The following CHN2 variants were observed in gnomAD, a reference collection of about 807,000 sequenced individuals.
CHN2 encodes the protein chimerin 2.
In CHN2, 35 loss-of-function variants were observed where a neutral mutation model predicts 56.3. The observed-to-expected ratio is 0.62, with a 90% CI of 0.47 to 0.82. CHN2 has a LOEUF of 0.82. CHN2 is among the 40% of genes least tolerant of loss of function. The pLI is 0.00. For missense variants in CHN2, 491 were observed against 580.5 expected, an observed-to-expected ratio of 0.85 and a Z score of 1.58; for synonymous variants, 210 against 212.8, an observed-to-expected ratio of 0.99 and a Z score of 0.12.
At chr7:29,156,993 A>G (rs567305545) in intron 2 of CHN2, among the ~76,000 whole-genome samples, 88 of 152,248 alleles carry the variant, frequency 5.8e-4, no homozygotes, top group African/African-American at 2.1e-3. Context: ...TTTTTCACAC[A>G]TTGGTCCACC....
chr7:29,391,279 G>A (rs1282429002), intron 3 of CHN2, among the ~76,000 whole-genome samples: 1 of 145,694 alleles, frequency 6.9e-6, no homozygotes, highest in East Asian at 2.2e-4. Flanking sequence ...GAAAGAAAGA[G>A]AGAGTGGGGA....
At chr7:29,313,516 C>T (rs1232665017) in intron 1 of CHN2, among the ~76,000 whole-genome samples, 2 of 152,212 alleles carry the variant, frequency 1.3e-5, no homozygotes, top group Non-Finnish European at 1.5e-5. Flanking sequence ...GCCCCACACT[C>T]CCTACAGTCC....
At chr7:29,218,471 A>G (rs39753) in intron 1 of CHN2, among the ~76,000 whole-genome samples, 49,293 of 151,896 alleles carry the variant, frequency 0.32, 8,575 homozygotes, top group Admixed American at 0.41. Flanking sequence ...CCAAAAGATT[A>G]TAAATCATGC....
intron 1 of CHN2, among the ~76,000 whole-genome samples, chr7:29,322,690 C>T (rs39124): frequency 0.85 from 129,696 of 152,214 alleles, 55,552 homozygotes; most frequent in East Asian, 1. Flanking sequence ...TAGGTCTTTA[C>T]TCCACAAAGG....
chr7:29,375,667 C>G (rs1313132712), intron 3 of CHN2, among the ~76,000 whole-genome samples: 1 of 152,174 alleles, frequency 6.6e-6, no homozygotes, highest in Non-Finnish European at 1.5e-5. Context: ...ACCCAAGATC[C>G]CATTACTCAT....
At chr7:29,248,191 A>C (rs955205602) in intron 1 of CHN2, among the ~76,000 whole-genome samples, 5 of 152,238 alleles carry the variant, frequency 3.3e-5, no homozygotes, top group Non-Finnish European at 5.9e-5. Context: ...GAGCGTCTGG[A>C]GAGAAAGTAC....
At chr7:29,476,895 G>A (rs1786653158) in intron 6 of CHN2, among the ~76,000 whole-genome samples, 1 of 152,128 alleles carries the variant, frequency 6.6e-6, no homozygotes, top group Non-Finnish European at 1.5e-5. Flanking sequence ...AGCATGTAGG[G>A]AAATGTGCTT....
chr7:29,379,652 A>G (rs147148043), intron 3 of CHN2, among the ~76,000 whole-genome samples: 360 of 152,356 alleles, frequency 2.4e-3, no homozygotes, highest in Admixed American at 5.0e-3. Context: ...GAAAATTTTC[A>G]TTATAAAACG....
chr7:29,211,383 T>C (rs1205409059), intron 1 of CHN2, among the ~76,000 whole-genome samples: 1 of 151,400 alleles, frequency 6.6e-6, no homozygotes, highest in Non-Finnish European at 1.5e-5. Context: ...CGGCCCTGAC[T>C]GAGGTTTTAA....
intron 11 of CHN2, among the ~76,000 whole-genome samples, chr7:29,508,220 A>G (rs1425758616): frequency 6.6e-6 from 1 of 151,742 alleles, no homozygotes; most frequent in African/African-American, 2.4e-5. Context: ...TTGCTCATTC[A>G]GTGTTTGGCA....
At chr7:29,363,196 T>C (rs995383596) in intron 2 of CHN2, among the ~76,000 whole-genome samples, 14 of 152,320 alleles carry the variant, frequency 9.2e-5, no homozygotes, top group Admixed American at 5.2e-4. Context: ...ATTAAACATG[T>C]ACTACAAGGC....
At chr7:29,164,712 C>T (rs1189901376) in intron 2 of CHN2, among the ~76,000 whole-genome samples, 3 of 127,240 alleles carry the variant, frequency 2.4e-5, no homozygotes, top group East Asian at 5.0e-4. Context: ...ACCTGGGAGG[C>T]GGAGGTTGCA....
chr7:29,374,710 G>A (rs927178779), intron 3 of CHN2, among the ~76,000 whole-genome samples: 4 of 152,098 alleles, frequency 2.6e-5, no homozygotes, highest in African/African-American at 9.7e-5. Context: ...GTAGAATGAG[G>A]AAAGTAAATG....
intron 1 of CHN2, among the ~76,000 whole-genome samples, chr7:29,211,872 A>G (rs1273845608): frequency 6.6e-6 from 1 of 152,246 alleles, no homozygotes; most frequent in Non-Finnish European, 1.5e-5. Context: ...GGCTTTTATT[A>G]CAAATGTATA....
chr7:29,470,452 G>T (rs1490645355), intron 6 of CHN2, among the ~76,000 whole-genome samples: 1 of 152,224 alleles, frequency 6.6e-6, no homozygotes, highest in African/African-American at 2.4e-5. Context: ...GCACAGTAGG[G>T]ATTGGAGATA....
intron 6 of CHN2, among the ~76,000 whole-genome samples, chr7:29,450,645 C>G (rs1784342131): frequency 6.6e-6 from 1 of 152,210 alleles, no homozygotes; most frequent in Admixed American, 6.5e-5. Flanking sequence ...ACACCTCTGG[C>G]CTCCAGAACT....
intron 1 of CHN2, among the ~76,000 whole-genome samples, chr7:29,273,365 A>ATATATATG (rs1554387260): frequency 1.9e-5 from 1 of 52,154 alleles, no homozygotes; most frequent in Non-Finnish European, 3.5e-5. Context: ...ATATATATAT[A>ATATATATG]TATATATATA....
At chr7:29,354,247 T>C (rs2128925323) in intron 1 of CHN2, among the ~76,000 whole-genome samples, 1 of 152,332 alleles carries the variant, frequency 6.6e-6, no homozygotes, top group Non-Finnish European at 1.5e-5. Flanking sequence ...ATAAATGGGC[T>C]AAAGGTCTGA....
Position 29,194,974 on chromosome 7 carries a change from C to G in CHN2, c.33C>G (p.Gly11=). The change falls in exon 1 of 13, where the codon GGC becomes GGG. Residue 11 remains glycine (G), a synonymous_variant. Transcript: ENST00000222792. MAASSNSSLS[G]SSVSSDAEEY... ...CGTCCAGCAACTCCAGCCTGTCCGG[C>G]TCGTCGGTGTCCTCCGGTGAGTTTC... 1 of 1,586,680 alleles carries G rather than the reference C, an allele frequency of 6.3e-7. No homozygotes were observed. Among genetic ancestry groups the G allele is most frequent in the Non-Finnish European group, 8.6e-7 (1 of 1,169,112 alleles).
Sources: allele counts gnomAD v4.1 joint callset (sites outside exome capture counted in the v4.1 genomes callset), GRCh38; gene constraint gnomAD v4.1.1; transcripts MANE v1.5; gene names NCBI Gene and HGNC (gene_info 2026-07-23, HGNC 2026-07-21).